The following STX8 variants were observed in gnomAD, a reference collection of about 807,000 sequenced individuals.
STX8 encodes the protein syntaxin 8.
A neutral mutation model predicts 37.5 loss-of-function variants in STX8; 23 were observed. The ratio of observed to expected loss-of-function variants is 0.61; its 90% CI spans 0.44 to 0.87. The LOEUF (loss-of-function observed/expected upper bound fraction) is 0.87, where lower values mean the gene tolerates loss of function less well. Ranked by LOEUF, STX8 falls within the 40% of genes least tolerant of loss-of-function variation. The pLI is 0.00. For missense variants in STX8, 313 were observed against 284.7 expected, an observed-to-expected ratio of 1.10 and a Z score of -0.71; for synonymous variants, 115 against 99.1, an observed-to-expected ratio of 1.16 and a Z score of -0.95.
Position 9,402,130 on chromosome 17 carries a change from TTG to T in STX8, c.542-23479_542-23478del, listed in dbSNP as rs1431156612. 4.7e-4 allele frequency among the ~76,000 whole-genome samples: 72 copies of T among 151,960 alleles called. 2 individuals carry two copies. Among genetic ancestry groups the T allele is most frequent in the East Asian group, 1.5e-3 (8 of 5,162 alleles). ...TATTTATTTATTTATTTATTATTAT[TTG>T]TTTTTAGACAGCGTTTTGCTCTTGT... On this transcript the variant is annotated intron_variant, in intron 6 of 7. Coordinates refer to ENST00000306357, the MANE Select transcript of STX8 (RefSeq NM_004853.3).
Position 9,274,473 on chromosome 17 carries a change from G to A in STX8, c.644-23828C>T, listed in dbSNP as rs980996492. On this transcript the variant is annotated intron_variant, in intron 7 of 7. Transcript: ENST00000306357. The stretch of plus-strand genomic sequence containing the variant: ...GGGCGGATCACAAGGTCAGGAGATC[G>A]AGACCATCCTGGCTAACACGGTGAG... Among the ~76,000 whole-genome samples the A allele has an allele frequency of 6.6e-5, 10 of 151,854 alleles. No individual in the cohort carries two copies. In the East Asian group the frequency reaches 1.8e-3, roughly 27 times the overall value.
chr17:9,267,419 G>C (rs140967297), intron 7 of STX8, among the ~76,000 whole-genome samples: 1 of 152,272 alleles, frequency 6.6e-6, no homozygotes, highest in Non-Finnish European at 1.5e-5. Context: ...TGGATAGAAA[G>C]CGCTATGACC....
intron 6 of STX8, among the ~76,000 whole-genome samples, chr17:9,406,150 T>C (rs951439638): frequency 6.6e-6 from 1 of 152,230 alleles, no homozygotes; most frequent in African/African-American, 2.4e-5. Context: ...TGGGCAATTG[T>C]AGCTGCAGAC....
At chr17:9,362,368 A>G (rs1911087986) in intron 7 of STX8, among the ~76,000 whole-genome samples, 2 of 152,170 alleles carry the variant, frequency 1.3e-5, no homozygotes, top group South Asian at 4.1e-4. Flanking sequence ...CTAGAGCTAT[A>G]ATGCCAACTT....
At chr17:9,426,252 C>T (rs1007556755) in intron 6 of STX8, among the ~76,000 whole-genome samples, 6 of 152,126 alleles carry the variant, frequency 3.9e-5, no homozygotes, top group African/African-American at 1.4e-4. Flanking sequence ...CAAGGCCAGG[C>T]ACGATGGCTC....
chr17:9,537,728 T>G (rs1344942460), intron 4 of STX8, among the ~76,000 whole-genome samples: 1 of 152,230 alleles, frequency 6.6e-6, no homozygotes, highest in Non-Finnish European at 1.5e-5. Flanking sequence ...GGCTTTGGTC[T>G]CTGTCCTTGA....
intron 6 of STX8, among the ~76,000 whole-genome samples, chr17:9,413,535 G>C (rs1284590847): frequency 6.6e-6 from 1 of 152,166 alleles, no homozygotes; most frequent in Non-Finnish European, 1.5e-5. Flanking sequence ...TAATTGCACA[G>C]ATAGGAGCTA....
intron 6 of STX8, among the ~76,000 whole-genome samples, chr17:9,438,187 G>A: frequency 6.8e-6 from 1 of 146,394 alleles, no homozygotes; most frequent in East Asian, 2.0e-4. Context: ...AGGTTGCAGT[G>A]AGCCGAGATT....
At chr17:9,377,335 C>T (rs1911632428) in intron 7 of STX8, among the ~76,000 whole-genome samples, 1 of 151,444 alleles carries the variant, frequency 6.6e-6, no homozygotes, top group African/African-American at 2.4e-5. Context: ...AGGTTTCACT[C>T]TGTCACCCAA....
At chr17:9,400,114 T>A (rs1278214598) in intron 6 of STX8, among the ~76,000 whole-genome samples, 1 of 150,728 alleles carries the variant, frequency 6.6e-6, no homozygotes, top group African/African-American at 2.4e-5. Flanking sequence ...TTATTTTTTT[T>A]TTTTTTGAGA....
At chr17:9,290,623 G>A (rs1240098066) in intron 7 of STX8, among the ~76,000 whole-genome samples, 1 of 152,194 alleles carries the variant, frequency 6.6e-6, no homozygotes, top group Non-Finnish European at 1.5e-5. Flanking sequence ...AGTATAGCGA[G>A]GGAAGGAGGG....
intron 6 of STX8, among the ~76,000 whole-genome samples, chr17:9,481,301 T>G (rs112092765): frequency 0.025 from 3,778 of 152,316 alleles, 138 homozygotes; most frequent in African/African-American, 0.084. Context: ...TGGATGAGCG[T>G]GTCTTCCTGC....
intron 4 of STX8, among the ~76,000 whole-genome samples, chr17:9,512,779 G>T (rs1905056253): frequency 6.6e-6 from 1 of 152,064 alleles, no homozygotes. Context: ...ACTCACTGGG[G>T]GAAGACAGTC....
chr17:9,282,216 T>C (rs1039544472), intron 7 of STX8, among the ~76,000 whole-genome samples: 15 of 152,218 alleles, frequency 9.9e-5, no homozygotes, highest in African/African-American at 3.6e-4. Flanking sequence ...TACTGCAATT[T>C]TGGCTTCCCG....
At chr17:9,308,163 G>A (rs1352771634) in intron 7 of STX8, among the ~76,000 whole-genome samples, 2 of 152,152 alleles carry the variant, frequency 1.3e-5, no homozygotes, top group East Asian at 1.9e-4. Context: ...AAACAAAGAC[G>A]GTGTGATCTA....
intron 7 of STX8, among the ~76,000 whole-genome samples, chr17:9,337,620 G>C (rs1458032355): frequency 6.6e-6 from 1 of 152,178 alleles, no homozygotes; most frequent in African/African-American, 2.4e-5. Flanking sequence ...GCCCGCCTTG[G>C]CCTCCCAAAG....
In STX8 at chr17:9,417,718, G is replaced by A. The variant is rs577114702; in HGVS notation, c.542-39065C>T. ...TTAGCCCCCAAACCCAACCTCTGAG[G>A]TGGTGAGACAAACTGGAGACTGATG... is the stretch of plus-strand genomic sequence containing the variant. On this transcript the variant is annotated intron_variant, in intron 6 of 7. Transcript: ENST00000306357. Among the ~76,000 whole-genome samples, 4 of 152,300 alleles carry A rather than the reference G, an allele frequency of 2.6e-5. No individual in the cohort carries two copies. The East Asian group carries it at 7.7e-4, about 29-fold the overall frequency.
At chr17:9,364,594 G>C (rs558391801) in intron 7 of STX8, among the ~76,000 whole-genome samples, 3 of 152,136 alleles carry the variant, frequency 2.0e-5, no homozygotes, top group Admixed American at 2.0e-4. Context: ...GCAGCGGCGC[G>C]ATCTTGGCTC....
intron 7 of STX8, among the ~76,000 whole-genome samples, chr17:9,376,674 C>T (rs541778679): frequency 2.0e-5 from 3 of 152,324 alleles, no homozygotes; most frequent in Non-Finnish European, 2.9e-5. Context: ...ACACCGGCTG[C>T]AACGGTCTGC....
Sources: allele counts gnomAD v4.1 joint callset (sites outside exome capture counted in the v4.1 genomes callset), GRCh38; gene constraint gnomAD v4.1.1; transcripts MANE v1.5; gene names NCBI Gene and HGNC (gene_info 2026-07-23, HGNC 2026-07-21).